Variants in C12orf54 observed in about 807,000 individuals in gnomAD.
C12orf54 encodes the protein chromosome 12 open reading frame 54.
In C12orf54, 24 loss-of-function variants were observed where a neutral mutation model predicts 26.4. The ratio of observed to expected loss-of-function variants is 0.91; its 90% CI spans 0.66 to 1.28. The LOEUF is 1.28. C12orf54 is among the 50% of genes most tolerant of loss of function. The pLI is 0.00. For missense variants in C12orf54, 154 were observed against 150.9 expected (o/e 1.02, Z -0.11); for synonymous variants, 54 against 47.0 (o/e 1.15, Z -0.61).
At chr12:48,465,807 CA>C in the C12orf54 span, among the ~76,000 whole-genome samples, 5 of 152,134 alleles carry the variant, frequency 3.3e-5, no homozygotes, top group African/African-American at 1.2e-4. Context: ...CAAACTAACA[CA>C]GGAACAGAAA....
the C12orf54 span, among the ~76,000 whole-genome samples, chr12:48,436,117 G>C: frequency 6.6e-6 from 1 of 151,950 alleles, no homozygotes; most frequent in East Asian, 1.9e-4. Flanking sequence ...TCCTAGTCTT[G>C]GATGAAACAG....
At chr12:48,455,941 A>C in the C12orf54 span, among the ~76,000 whole-genome samples, 1 of 152,236 alleles carries the variant, frequency 6.6e-6, no homozygotes, top group African/African-American at 2.4e-5. Flanking sequence ...AGTGATAATA[A>C]TTAAAAAATA....
chr12:48,483,101 C>G, intron 1 of C12orf54, 139 bp from the exon 2 acceptor site: 1 of 576,946 alleles, frequency 1.7e-6, no homozygotes, highest in Middle Eastern at 4.7e-4. Context: ...CACATATATG[C>G]AAGCACACAC....
At chr12:48,477,997 A>G (rs949283586), upstream of C12orf54, among the ~76,000 whole-genome samples, 4 of 152,256 alleles carry the variant, frequency 2.6e-5, no homozygotes, top group Non-Finnish European at 5.9e-5. Context: ...AAAAATCCTC[A>G]ATAAAATACT....
upstream of C12orf54, among the ~76,000 whole-genome samples, chr12:48,479,322 T>C (rs1029020271): frequency 3.9e-5 from 6 of 151,966 alleles, no homozygotes; most frequent in African/African-American, 1.5e-4. Context: ...TGAGAACACA[T>C]GGACACAGGA....
chr12:48,452,414 C>T, the C12orf54 span, among the ~76,000 whole-genome samples: 1 of 152,128 alleles, frequency 6.6e-6, no homozygotes, highest in Non-Finnish European at 1.5e-5. Flanking sequence ...CCATTCAGGA[C>T]ATAGGCACAG....
At chr12:48,468,725 AG>A in the C12orf54 span, among the ~76,000 whole-genome samples, 9 of 152,154 alleles carry the variant, frequency 5.9e-5, no homozygotes, top group Non-Finnish European at 5.9e-5. Flanking sequence ...TAGTGAGCTT[AG>A]TACCCAATAG....
At chr12:48,414,534 C>T in the C12orf54 span, among the ~76,000 whole-genome samples, 1 of 152,208 alleles carries the variant, frequency 6.6e-6, no homozygotes, top group Admixed American at 6.5e-5. Flanking sequence ...TTTTCTTCCT[C>T]CTCATTACTC....
chr12:48,486,628 C>A, intron 3 of C12orf54, 60 bp from the exon 4 acceptor site: 2 of 1,509,302 alleles, frequency 1.3e-6, no homozygotes, highest in South Asian at 2.3e-5. Context: ...CATAATGTGT[C>A]ACTTCAGATT....
chr12:48,420,082 T>C, the C12orf54 span, among the ~76,000 whole-genome samples: 1 of 110,426 alleles, frequency 9.1e-6, no homozygotes, highest in Admixed American at 9.0e-5. Context: ...CCACAGTTGG[T>C]TTTTTTTTTC....
the C12orf54 span, among the ~76,000 whole-genome samples, chr12:48,468,547 C>T: frequency 7.2e-5 from 11 of 151,912 alleles, no homozygotes; most frequent in South Asian, 4.2e-4. Context: ...ACAGATGGAT[C>T]GAAAGTACAA....
intron 2 of C12orf54, among the ~76,000 whole-genome samples, chr12:48,484,177 A>G (rs1328017768): frequency 6.6e-6 from 1 of 152,236 alleles, no homozygotes; most frequent in African/African-American, 2.4e-5. Context: ...CCTGGGCAAT[A>G]AGAGCGAAAC....
At chr12:48,467,143 G>C in the C12orf54 span, among the ~76,000 whole-genome samples, 1 of 152,102 alleles carries the variant, frequency 6.6e-6, no homozygotes, top group Admixed American at 6.6e-5. Context: ...AGAGTCTTTA[G>C]AAGAGAAGGG....
chr12:48,468,755 T>A, the C12orf54 span, among the ~76,000 whole-genome samples: 50,353 of 152,058 alleles, frequency 0.33, 10,476 homozygotes, highest in Middle Eastern at 0.48. Flanking sequence ...CCAGCCCACA[T>A]GCACCTCTGT....
chr12:48,484,505 T>C (rs1178903781), intron 2 of C12orf54, among the ~76,000 whole-genome samples: 2 of 152,154 alleles, frequency 1.3e-5, no homozygotes, highest in Admixed American at 6.5e-5. Flanking sequence ...GTGGTAAAAG[T>C]GGACAGGACA....
the C12orf54 span, among the ~76,000 whole-genome samples, chr12:48,443,345 A>G: frequency 8.2e-4 from 125 of 152,336 alleles, no homozygotes; most frequent in Non-Finnish European, 1.1e-3. Flanking sequence ...GAAGTAGAGC[A>G]TGGCTTTAGG....
At chr12:48,431,160 G>A in the C12orf54 span, among the ~76,000 whole-genome samples, 1 of 152,068 alleles carries the variant, frequency 6.6e-6, no homozygotes, top group South Asian at 2.1e-4. Context: ...AGGGTGGTGG[G>A]GGAGGGATAA....
At chr12:48,461,617 G>A in the C12orf54 span, among the ~76,000 whole-genome samples, 7 of 145,158 alleles carry the variant, frequency 4.8e-5, no homozygotes, top group South Asian at 6.8e-4. Context: ...GGAAACTAAC[G>A]TATATCTCAA....
chr12:48,484,056 G>T (rs988671134), intron 2 of C12orf54, among the ~76,000 whole-genome samples: 1 of 152,212 alleles, frequency 6.6e-6, no homozygotes, highest in African/African-American at 2.4e-5. Context: ...TTAGCTGGGT[G>T]TGGTGGTGCA....
Sources: allele counts gnomAD v4.1 joint callset (sites outside exome capture counted in the v4.1 genomes callset), GRCh38; gene constraint gnomAD v4.1.1; transcripts MANE v1.5; gene names NCBI Gene and HGNC (gene_info 2026-07-23, HGNC 2026-07-21).